DNM3: variants seen among roughly 807,000 people sequenced by gnomAD.
DNM3 encodes dynamin-3.
A neutral mutation model predicts 101.6 loss-of-function variants in DNM3; 47 were observed. The observed-to-expected ratio is 0.46, with a 90% confidence interval of 0.37 to 0.59. DNM3 has a LOEUF of 0.59. Among genes scored for constraint, DNM3 ranks in the 20% least tolerant of loss-of-function variants. The probability of loss-of-function intolerance (pLI) is 0.00; values close to 1 mark genes in which losing one functional copy is unlikely to be tolerated. For missense variants in DNM3, 849 were observed against 1,085.7 expected (o/e 0.78, Z 3.06); for synonymous variants, 385 against 387.9 (o/e 0.99, Z 0.09).
intron 12 of DNM3, 141 bp from the exon 13 acceptor site, chr1:172,092,683 T>C (rs1401281431): frequency 2.3e-6 from 2 of 874,570 alleles, no homozygotes; most frequent in South Asian, 2.3e-5. Context: ...GCTTCCAGAA[T>C]TAAACTGACC....
At chr1:172,084,039 A>G (rs1368451184) in intron 12 of DNM3, among the ~76,000 whole-genome samples, 1 of 152,162 alleles carries the variant, frequency 6.6e-6, no homozygotes, top group African/African-American at 2.4e-5. Context: ...TTTAAATTGC[A>G]CACTTAAACC....
intron 17 of DNM3, among the ~76,000 whole-genome samples, chr1:172,327,847 A>T (rs1309095596): frequency 2.0e-5 from 3 of 151,720 alleles, no homozygotes; most frequent in Non-Finnish European, 2.9e-5. Flanking sequence ...ATGTGAATAT[A>T]AAAAAAAATT....
At chr1:171,877,627 TA>T (rs1289871045) in intron 1 of DNM3, among the ~76,000 whole-genome samples, 1 of 152,222 alleles carries the variant, frequency 6.6e-6, no homozygotes, top group Non-Finnish European at 1.5e-5. Context: ...AGGTAATCTA[TA>T]AACTAAATAA....
chr1:172,083,385 C>T (rs927024860), intron 12 of DNM3, among the ~76,000 whole-genome samples: 3 of 152,202 alleles, frequency 2.0e-5, no homozygotes, highest in African/African-American at 7.2e-5. Context: ...ACACATTCTT[C>T]ATTTTCCTCA....
intron 17 of DNM3, among the ~76,000 whole-genome samples, chr1:172,333,649 T>C (rs10911602): frequency 0.016 from 2,389 of 152,238 alleles, 70 homozygotes; most frequent in African/African-American, 0.055. Flanking sequence ...AGGAATTTTT[T>C]AAATTATTGG....
intron 2 of DNM3, among the ~76,000 whole-genome samples, chr1:171,982,773 G>A (rs2044905439): frequency 6.6e-6 from 1 of 151,952 alleles, no homozygotes; most frequent in African/African-American, 2.4e-5. Flanking sequence ...TGGTTAAATG[G>A]TTAACAAGTA....
chr1:171,950,919 ACTC>A lies in DNM3; in HGVS notation c.235+29102_235+29104del, dbSNP rs147243312. Among the ~76,000 whole-genome samples the A allele has an allele frequency of 4.3e-3, 656 of 151,892 alleles. 5 individuals are homozygous for A. Among genetic ancestry groups the A allele is most frequent in the African/African-American group, 0.015 (624 of 41,412 alleles). On this transcript the variant is annotated intron_variant, in intron 2 of 20. Coordinates refer to ENST00000627582, the MANE Select transcript of DNM3 (RefSeq NM_015569.5). ...TTTTGTGGCTTAATCATATGCAAAA[ACTC>A]CTCATCTTCCTCTTCCTCCTCCTCC...
rs61202714 is a variant in DNM3, at chr1:172,066,952, TTGTGTGTG to T, written c.1336-1851_1336-1844del. ...GAGATCTCTCTCTCTGTCTCTGTGT[TTGTGTGTG>T]TGTGTGTGTGTGTGTTTGTGTGTGT... On this transcript the variant is annotated intron_variant, in intron 10 of 20. Coordinates refer to ENST00000627582, the MANE Select transcript of DNM3 (RefSeq NM_015569.5). Among the ~76,000 whole-genome samples the T allele has an allele frequency of 3.7e-3, 556 of 150,224 alleles. 4 individuals are homozygous for T. Among genetic ancestry groups the T allele is most frequent in the Non-Finnish European group, 5.6e-3 (377 of 67,462 alleles).
At chr1:172,152,590 T>C (rs2058178586) in intron 14 of DNM3, among the ~76,000 whole-genome samples, 1 of 152,168 alleles carries the variant, frequency 6.6e-6, no homozygotes, top group African/African-American at 2.4e-5. Context: ...TTAGATTGCA[T>C]GTTGTAGATT....
chr1:171,982,868 T>C (rs61805845), intron 2 of DNM3, among the ~76,000 whole-genome samples: 40,041 of 151,886 alleles, frequency 0.26, 6,341 homozygotes, highest in African/African-American at 0.44. Context: ...ATTTCACAGG[T>C]TCCCACCACC....
At chr1:172,248,203 A>T (rs939202006) in intron 14 of DNM3, among the ~76,000 whole-genome samples, 2 of 152,172 alleles carry the variant, frequency 1.3e-5, no homozygotes, top group African/African-American at 4.8e-5. Context: ...AAACTGTATG[A>T]TGCTAAGCAA....
chr1:172,295,774 A>T (rs73030947), intron 15 of DNM3, among the ~76,000 whole-genome samples: 4,009 of 152,302 alleles, frequency 0.026, 154 homozygotes, highest in African/African-American at 0.084. Context: ...ATCAAAAATG[A>T]TGATTTTCTG....
intron 13 of DNM3, among the ~76,000 whole-genome samples, chr1:172,119,689 C>T (rs1406091129): frequency 6.6e-6 from 1 of 152,170 alleles, no homozygotes; most frequent in Non-Finnish European, 1.5e-5. Flanking sequence ...GACATCTTTA[C>T]AGCCAATGAT....
At chr1:172,245,965 G>C (rs1251799416) in intron 14 of DNM3, among the ~76,000 whole-genome samples, 3 of 152,152 alleles carry the variant, frequency 2.0e-5, no homozygotes, top group Non-Finnish European at 4.4e-5. Flanking sequence ...AGCATGACTG[G>C]GAGGCCTCAA....
chr1:171,849,212 A>G (rs2032607263), intron 1 of DNM3, among the ~76,000 whole-genome samples: 1 of 152,224 alleles, frequency 6.6e-6, no homozygotes, highest in African/African-American at 2.4e-5. Flanking sequence ...AGGAGTCATC[A>G]CAGCATGGTG....
intron 15 of DNM3, chr1:172,289,502 GT>G (rs2063822968): frequency 7.8e-6 from 7 of 898,134 alleles, no homozygotes; most frequent in Non-Finnish European, 9.3e-6. Flanking sequence ...ACAGAATTCT[GT>G]TTTATTGTCT....
rs369835219 is a variant in DNM3, at chr1:171,872,414, G to A, written c.161+30597G>A. On this transcript the variant is annotated intron_variant, in intron 1 of 20. Coordinates refer to ENST00000627582, the MANE Select transcript of DNM3 (RefSeq NM_015569.5). Reference sequence around the variant, plus strand: ...CTGGTCTTCCTAAAGAGTTTATGAGGATAGAAACTGTGCCATATACTTTAC... The same window carrying A: ...CTGGTCTTCCTAAAGAGTTTATGAGAATAGAAACTGTGCCATATACTTTAC... Among the ~76,000 whole-genome samples the A allele has an allele frequency of 3.7e-4, 56 of 152,196 alleles. 1 individual carries two copies. The highest frequency in any genetic ancestry group is 2.1e-3 in the South Asian group (10 of 4,822).
At chr1:172,379,303 A>T in intron 18 of DNM3, 121 bp downstream of exon 18, 2 of 899,670 alleles carry the variant, frequency 2.2e-6, no homozygotes, top group Non-Finnish European at 3.3e-6. Context: ...ACCCAGGTTC[A>T]TCATTTTCCA....
chr1:172,317,205 A>G (rs1179399344), intron 16 of DNM3, among the ~76,000 whole-genome samples: 1 of 151,774 alleles, frequency 6.6e-6, no homozygotes, highest in African/African-American at 2.4e-5. Context: ...ACAAAGACAC[A>G]ACATACCAGA....
Sources: allele counts gnomAD v4.1 joint callset (sites outside exome capture counted in the v4.1 genomes callset), GRCh38; gene constraint gnomAD v4.1.1; transcripts MANE v1.5; gene names NCBI Gene and HGNC (gene_info 2026-07-23, HGNC 2026-07-21).